Variants in GRHL2 observed in about 807,000 individuals in gnomAD.
The protein encoded by GRHL2 is grainyhead-like protein 2 homolog.
Under a neutral mutation model 83.8 loss-of-function variants are expected in GRHL2, and 21 were observed. That is an observed-to-expected ratio of 0.25 (90% CI 0.18 to 0.36). The LOEUF is 0.36. GRHL2 is among the 10% of genes least tolerant of loss of function. GRHL2 has a pLI of 1.00. For synonymous variants in GRHL2, 280 were observed against 278.9 expected, an observed-to-expected ratio of 1.00 and a Z score of -0.04; for missense variants, 623 against 781.8, an observed-to-expected ratio of 0.80 and a Z score of 2.42.
chr8:101,514,929 TCTC>T (rs1420796593), intron 1 of GRHL2, among the ~76,000 whole-genome samples: 2 of 151,108 alleles, frequency 1.3e-5, no homozygotes, highest in African/African-American at 4.9e-5. Flanking sequence ...TCTTTCTTCT[TCTC>T]CTTTTTTCTT....
intron 8 of GRHL2, among the ~76,000 whole-genome samples, chr8:101,619,192 G>A (rs971297650): frequency 3.3e-5 from 5 of 152,130 alleles, no homozygotes; most frequent in African/African-American, 9.7e-5. Context: ...GGGGGAGGTT[G>A]CAGTGAGCTG....
chr8:101,663,560 C>T (rs575109102), intron 14 of GRHL2, among the ~76,000 whole-genome samples: 7 of 151,598 alleles, frequency 4.6e-5, no homozygotes, highest in South Asian at 2.1e-4. Flanking sequence ...TGCAGTGAGC[C>T]GAGATCATGC....
chr8:101,496,528 A>T (rs1307348127), intron 1 of GRHL2, among the ~76,000 whole-genome samples: 1 of 152,202 alleles, frequency 6.6e-6, no homozygotes, highest in Non-Finnish European at 1.5e-5. Flanking sequence ...TCACTGGTGA[A>T]TAGAACTTAG....
chr8:101,582,236 T>C (rs370983211), intron 7 of GRHL2, among the ~76,000 whole-genome samples: 1 of 13,014 alleles, frequency 7.7e-5, no homozygotes, highest in African/African-American at 1.9e-4. Flanking sequence ...AGACTCCGTC[T>C]CAAAAAAAAA....
intron 12 of GRHL2, among the ~76,000 whole-genome samples, chr8:101,638,382 CA>C (rs1813331944): frequency 6.6e-6 from 1 of 152,062 alleles, no homozygotes; most frequent in South Asian, 2.1e-4. Flanking sequence ...GAAAAGAATT[CA>C]AAAGAAGAAG....
intron 14 of GRHL2, among the ~76,000 whole-genome samples, chr8:101,652,599 TG>T (rs1256137650): frequency 7.4e-4 from 59 of 79,554 alleles, no homozygotes; most frequent in Non-Finnish European, 1.0e-3. Flanking sequence ...TGTGTGTGTG[TG>T]GTGTGTGTGT....
At chr8:101,498,576 G>C (rs1586393080) in intron 1 of GRHL2, among the ~76,000 whole-genome samples, 1 of 152,288 alleles carries the variant, frequency 6.6e-6, no homozygotes, top group East Asian at 1.9e-4. Context: ...GTAGCTTGAA[G>C]TATTACTCTG....
At chr8:101,511,258 C>T (rs1483610654) in intron 1 of GRHL2, among the ~76,000 whole-genome samples, 3 of 152,106 alleles carry the variant, frequency 2.0e-5, no homozygotes, top group African/African-American at 7.2e-5. Context: ...GACTAAAGGA[C>T]AAATTCATAG....
chr8:101,594,017 C>T (rs1812338231), intron 7 of GRHL2, among the ~76,000 whole-genome samples: 2 of 126,982 alleles, frequency 1.6e-5, no homozygotes, highest in African/African-American at 6.1e-5. Context: ...TGCAGTGAGC[C>T]AAGATTGCAC....
the GRHL2 span, among the ~76,000 whole-genome samples, chr8:101,676,336 T>A: frequency 1.3e-5 from 2 of 151,440 alleles, no homozygotes; most frequent in East Asian, 1.9e-4. Context: ...ATATCCAGAA[T>A]CTACAATGAA....
chr8:101,661,574 A>G (rs145002300), intron 14 of GRHL2, among the ~76,000 whole-genome samples: 4 of 152,234 alleles, frequency 2.6e-5, no homozygotes, highest in Non-Finnish European at 4.4e-5. Flanking sequence ...GTTATACTGT[A>G]TTGTTTTGAT....
In GRHL2 at chr8:101,585,951, T is replaced by TCTGGTTCCC. The variant is rs1046169865; in HGVS notation, c.1003+8433_1003+8441dup. 7.9e-5 allele frequency among the ~76,000 whole-genome samples: 12 copies of TCTGGTTCCC among 152,104 alleles called. No homozygotes were observed. The East Asian group carries it at 2.3e-3, about 29-fold the overall frequency. On this transcript the variant is annotated intron_variant, in intron 7 of 15. Coordinates refer to ENST00000646743, the MANE Select transcript of GRHL2 (RefSeq NM_024915.4). ...TGATGGGGGTGGTCCTCGGGCTCCC[T>TCTGGTTCCC]CTGGTTCCCTCCAGGGAAGGGTCAG...
chr8:101,644,296 C>T, intron 13 of GRHL2, 71 bp downstream of exon 13: 1 of 1,265,464 alleles, frequency 7.9e-7, no homozygotes, highest in Non-Finnish European at 1.1e-6. Context: ...AGCTTGCAGC[C>T]CTCTTGCCCA....
In GRHL2 at chr8:101,526,284, T is replaced by C. The variant is rs543980944; in HGVS notation, c.21-16957T>C. Among the ~76,000 whole-genome samples, 382 of 152,358 alleles carry C rather than the reference T, an allele frequency of 2.5e-3. 1 individual carries two copies. The highest frequency in any genetic ancestry group is 8.6e-3 in the African/African-American group (357 of 41,586). ...AAATCATACACTGAACTTTCTCTGT[T>C]ACATTAAAATCTATAGGCTTGTCTT... On this transcript the variant is annotated intron_variant, in intron 1 of 15. Transcript: ENST00000646743.
At chr8:101,567,977 A>G (rs556632737) in intron 4 of GRHL2, among the ~76,000 whole-genome samples, 15 of 152,338 alleles carry the variant, frequency 9.8e-5, no homozygotes, top group South Asian at 2.1e-4. Context: ...TGTGTCTCCA[A>G]TAGTTTTTTC....
chr8:101,634,633 C>A (rs1019554541), intron 11 of GRHL2, among the ~76,000 whole-genome samples: 3 of 152,156 alleles, frequency 2.0e-5, no homozygotes, highest in African/African-American at 7.2e-5. Flanking sequence ...AAATTAGCTG[C>A]AATGCAGTTG....
At position 101,666,708 on chromosome 8, in the gene GRHL2, G is replaced by GA. The variant is rs774082650; in HGVS notation, c.*5_*6insA. On this transcript the variant is annotated 3_prime_UTR_variant, in exon 16 of 16. Transcript: ENST00000646743. ...GTCACGCTCATGGAAATCTAGCCCT[G>GA]GGTTTGGCATCCGCTTTGGCTGGAG... 6.3e-7 allele frequency: 1 copy of GA among 1,579,306 alleles called. No homozygotes were observed. The highest frequency in any genetic ancestry group is 1.3e-5 in the African/African-American group (1 of 74,368).
At chr8:101,549,212 A>G (rs1167837678) in intron 2 of GRHL2, among the ~76,000 whole-genome samples, 5 of 152,204 alleles carry the variant, frequency 3.3e-5, no homozygotes, top group Non-Finnish European at 7.4e-5. Flanking sequence ...GAGAAGGAGC[A>G]TATGCATGGT....
intron 8 of GRHL2, among the ~76,000 whole-genome samples, chr8:101,610,043 AT>A (rs1180871115): frequency 6.6e-6 from 1 of 150,816 alleles, no homozygotes; most frequent in Non-Finnish European, 1.5e-5. Flanking sequence ...CCAATCTCTC[AT>A]TATGCACATC....
Sources: allele counts gnomAD v4.1 joint callset (sites outside exome capture counted in the v4.1 genomes callset), GRCh38; gene constraint gnomAD v4.1.1; transcripts MANE v1.5; gene names NCBI Gene and HGNC (gene_info 2026-07-23, HGNC 2026-07-21).